Variants in KCNK2 observed in about 807,000 individuals in gnomAD.
KCNK2 encodes the protein potassium two pore domain channel subfamily K member 2.
In KCNK2, 21 loss-of-function variants were observed where a neutral mutation model predicts 40.5. That is an observed-to-expected ratio of 0.52 (90% CI 0.37 to 0.75). The LOEUF is 0.75. KCNK2 is among the 30% of genes least tolerant of loss of function. The probability of loss-of-function intolerance (pLI) is 0.00; values close to 1 mark genes in which losing one functional copy is unlikely to be tolerated. For synonymous variants in KCNK2, 191 were observed against 202.2 expected, an observed-to-expected ratio of 0.94 and a Z score of 0.47; for missense variants, 399 against 531.6, an observed-to-expected ratio of 0.75 and a Z score of 2.45.
intron 1 of KCNK2, among the ~76,000 whole-genome samples, chr1:215,035,586 C>T (rs888558274): frequency 6.6e-6 from 1 of 152,034 alleles, no homozygotes; most frequent in Non-Finnish European, 1.5e-5. Context: ...TTACACAAAT[C>T]ACCTGAGTAG....
At chr1:215,010,595 A>G (rs1656340786) in intron 1 of KCNK2, among the ~76,000 whole-genome samples, 1 of 152,156 alleles carries the variant, frequency 6.6e-6, no homozygotes, top group Non-Finnish European at 1.5e-5. Context: ...ATTAAATACC[A>G]TGACGCCAAA....
chr1:215,135,479 T>C, intron 3 of KCNK2, among the ~76,000 whole-genome samples: 1 of 152,140 alleles, frequency 6.6e-6, no homozygotes, highest in Non-Finnish European at 1.5e-5. Context: ...TAAGCCAATA[T>C]TATTTTTTAC....
At chr1:215,204,275 CT>C (rs200745804) in intron 6 of KCNK2, among the ~76,000 whole-genome samples, 2 of 150,240 alleles carry the variant, frequency 1.3e-5, no homozygotes, top group African/African-American at 4.9e-5. Context: ...TGTTTTCTTC[CT>C]TTTTTTTAAA....
Position 215,234,934 on chromosome 1 carries a change from G to A in KCNK2, c.1070G>A (p.Arg357Gln), listed in dbSNP as rs1666816374. 1 of 1,613,966 alleles carries A rather than the reference G, an allele frequency of 6.2e-7. No homozygotes were observed. The highest frequency in any genetic ancestry group is 8.5e-7 in the Non-Finnish European group (1 of 1,179,986). ...LSVEIYDKFQRATSIKRKLSA... is the reference protein window; with the variant it reads ...LSVEIYDKFQQATSIKRKLSA... ...GTGGAGATTTATGACAAGTTCCAGCGGGCCACCTCCATCAAGCGGAAGCTC... is the reference window on the plus strand; with the variant it reads ...GTGGAGATTTATGACAAGTTCCAGCAGGCCACCTCCATCAAGCGGAAGCTC... Residue 357 changes from arginine (R) to glutamine (Q), a missense_variant, in exon 7 of 7, where the codon CGG (arginine) becomes CAG (glutamine). Coordinates refer to ENST00000444842, the MANE Select transcript of KCNK2 (RefSeq NM_001017425.3).
chr1:215,093,431 C>G (rs1481822508), intron 2 of KCNK2, among the ~76,000 whole-genome samples: 1 of 123,084 alleles, frequency 8.1e-6, no homozygotes, highest in African/African-American at 3.1e-5. Context: ...ATATTATGTA[C>G]ATATAATATA....
intron 1 of KCNK2, among the ~76,000 whole-genome samples, chr1:215,009,768 A>G (rs570904746): frequency 6.6e-6 from 1 of 152,308 alleles, no homozygotes; most frequent in South Asian, 2.1e-4. Context: ...AAAAAGATAT[A>G]GTATAATTGA....
chr1:215,064,306 GGT>G (rs139901340), intron 1 of KCNK2, among the ~76,000 whole-genome samples: 1 of 151,722 alleles, frequency 6.6e-6, no homozygotes, highest in Non-Finnish European at 1.5e-5. Flanking sequence ...ATGCCTCGGG[GGT>G]GTGTGTGTGT....
At chr1:215,034,449 A>G (rs1053623701) in intron 1 of KCNK2, among the ~76,000 whole-genome samples, 3 of 151,922 alleles carry the variant, frequency 2.0e-5, no homozygotes, top group Non-Finnish European at 4.4e-5. Context: ...GTAAGAATGG[A>G]GTAGTTGAAT....
chr1:215,162,840 G>C (rs541420352), intron 3 of KCNK2, among the ~76,000 whole-genome samples: 30 of 147,534 alleles, frequency 2.0e-4, no homozygotes, highest in African/African-American at 7.4e-4. Flanking sequence ...TTGCAGTATA[G>C]TTTGAAGTCA....
intron 6 of KCNK2, among the ~76,000 whole-genome samples, chr1:215,218,768 T>C (rs1016176345): frequency 6.6e-6 from 1 of 152,194 alleles, no homozygotes; most frequent in Non-Finnish European, 1.5e-5. Context: ...AAATTATTAG[T>C]AGTAAAAAAA....
At chr1:215,034,872 T>C (rs1657331772) in intron 1 of KCNK2, among the ~76,000 whole-genome samples, 1 of 152,156 alleles carries the variant, frequency 6.6e-6, no homozygotes, top group Admixed American at 6.6e-5. Context: ...ATCCGTAATA[T>C]TTTAAAATAT....
chr1:215,227,381 C>T (rs545860113), intron 6 of KCNK2, among the ~76,000 whole-genome samples: 1 of 152,112 alleles, frequency 6.6e-6, no homozygotes, highest in South Asian at 2.1e-4. Flanking sequence ...AAACAGCATT[C>T]TGGATGAGAG....
chr1:215,083,194 T>TGCCCCC lies in KCNK2; in HGVS notation c.-192_-191insGCCCCC. On this transcript the variant is annotated 5_prime_UTR_variant, in exon 1 of 7. Transcript: ENST00000444842. Reference sequence around the variant, plus strand: ...CCCGCGATTTCGTTTCTTCTCACGCTCCCCCCCCCGCCCCCTCCCGCGTCC... The same window carrying TGCCCCC: ...CCCGCGATTTCGTTTCTTCTCACGCTGCCCCCCCCCCCCCCGCCCCCTCCCGCGTCC... 8.0e-6 allele frequency: 4 copies of TGCCCCC among 501,812 alleles called. No individual in the cohort carries two copies. The highest frequency in any genetic ancestry group is 5.3e-5 in the East Asian group (1 of 18,948). The allele number at this position is 501,812 out of a possible 1,614,324, so 31.1% of individuals were successfully genotyped here.
At chr1:215,014,755 A>G (rs967401812) in intron 1 of KCNK2, among the ~76,000 whole-genome samples, 4 of 152,100 alleles carry the variant, frequency 2.6e-5, no homozygotes, top group African/African-American at 9.7e-5. Context: ...TAATTTTTCC[A>G]TGAACTGATA....
intron 2 of KCNK2, among the ~76,000 whole-genome samples, chr1:215,090,804 C>G (rs1659661678): frequency 6.6e-6 from 1 of 152,184 alleles, no homozygotes; most frequent in Admixed American, 6.5e-5. Flanking sequence ...GGTGAAGAAA[C>G]TGACATGTTT....
intron 2 of KCNK2, among the ~76,000 whole-genome samples, chr1:215,092,691 T>A (rs772895858): frequency 2.6e-5 from 4 of 152,184 alleles, no homozygotes; most frequent in Non-Finnish European, 5.9e-5. Flanking sequence ...GGGCTTCTTA[T>A]ATCTTGCTGG....
chr1:215,172,641 C>G (rs1663768675), intron 5 of KCNK2, among the ~76,000 whole-genome samples: 2 of 151,834 alleles, frequency 1.3e-5, no homozygotes, highest in Admixed American at 6.6e-5. Flanking sequence ...TTTACAGGAG[C>G]CTTCTATTAT....
intron 2 of KCNK2, among the ~76,000 whole-genome samples, chr1:215,104,078 C>A (rs532484516): frequency 6.6e-6 from 1 of 152,140 alleles, no homozygotes; most frequent in Non-Finnish European, 1.5e-5. Flanking sequence ...AAGAAAGAAT[C>A]TTTCAGCAAA....
intron 2 of KCNK2, among the ~76,000 whole-genome samples, chr1:215,098,644 T>C (rs1266961657): frequency 6.6e-6 from 1 of 152,036 alleles, no homozygotes; most frequent in African/African-American, 2.4e-5. Flanking sequence ...ATTTATTTTA[T>C]CTACATTTTT....
Sources: gnomAD v4.1 joint callset for allele counts (sites outside exome capture counted in the v4.1 genomes callset) on GRCh38, gnomAD v4.1.1 for gene constraint, MANE v1.5 for transcripts, NCBI Gene and HGNC (gene_info 2026-07-23, HGNC 2026-07-21) for gene names.